Variants in CTBP2 observed in about 807,000 individuals in gnomAD.
The protein encoded by CTBP2 is C-terminal-binding protein 2.
A neutral mutation model predicts 80.3 loss-of-function variants in CTBP2; 30 were observed. That is an observed-to-expected ratio of 0.37 (90% confidence interval 0.28 to 0.51). The LOEUF is 0.51. CTBP2 is among the 20% of genes least tolerant of loss of function. The pLI is 0.93. For synonymous variants in CTBP2, 594 were observed against 587.4 expected (o/e 1.01, Z -0.16); for missense variants, 1,212 against 1,375.3 (o/e 0.88, Z 1.88).
At chr10:125,142,222 C>T (rs540499659) in intron 1 of CTBP2, among the ~76,000 whole-genome samples, 123 of 152,274 alleles carry the variant, frequency 8.1e-4, no homozygotes, top group Non-Finnish European at 1.4e-3. Flanking sequence ...TCCGACCTGT[C>T]CAGACGAGCC....
At chr10:125,082,177 T>TC (rs1672798806) in intron 2 of CTBP2, among the ~76,000 whole-genome samples, 1 of 152,020 alleles carries the variant, frequency 6.6e-6, no homozygotes, top group Admixed American at 6.5e-5. Context: ...GCTGCCCTCC[T>TC]CCCCCCAGGC....
upstream of CTBP2, among the ~76,000 whole-genome samples, chr10:125,029,779 C>T (rs1331453129): frequency 6.6e-6 from 1 of 152,166 alleles, no homozygotes; most frequent in Non-Finnish European, 1.5e-5. Context: ...AGCTTCTTTG[C>T]TATCTGGTTT....
intron 2 of CTBP2, among the ~76,000 whole-genome samples, chr10:125,062,924 C>T (rs768072422): frequency 2.6e-5 from 4 of 152,222 alleles, no homozygotes; most frequent in South Asian, 2.1e-4. Flanking sequence ...CTGCTGTGCA[C>T]CCGTTTTCCT....
intron 2 of CTBP2, among the ~76,000 whole-genome samples, chr10:125,065,463 G>A (rs182496704): frequency 2.2e-4 from 34 of 152,286 alleles, no homozygotes; most frequent in African/African-American, 7.9e-4. Flanking sequence ...AGCAAAGCCC[G>A]CAGGGGCTTT....
At chr10:124,990,079 T>C (rs1952397347) in intron 8 of CTBP2, among the ~76,000 whole-genome samples, 2 of 150,386 alleles carry the variant, frequency 1.3e-5, no homozygotes, top group African/African-American at 4.9e-5. Flanking sequence ...TCTCACTCTG[T>C]CGCCAGTCTG....
At chr10:125,054,862 TA>T (rs1374049154) in intron 2 of CTBP2, among the ~76,000 whole-genome samples, 1 of 152,212 alleles carries the variant, frequency 6.6e-6, no homozygotes, top group Non-Finnish European at 1.5e-5. Context: ...TCCACTTCTG[TA>T]AACTCTTGGG....
At chr10:125,003,758 T>C (rs868023175) in intron 1 of CTBP2, among the ~76,000 whole-genome samples, 2 of 152,030 alleles carry the variant, frequency 1.3e-5, no homozygotes, top group African/African-American at 4.8e-5. Context: ...CTCAGGACCA[T>C]GGGGCCCCGA....
intron 2 of CTBP2, among the ~76,000 whole-genome samples, chr10:125,075,745 A>T (rs1258570065): frequency 6.6e-6 from 1 of 152,270 alleles, no homozygotes; most frequent in Non-Finnish European, 1.5e-5. Flanking sequence ...CTGAGGTTCT[A>T]CTACAAATGC....
chr10:125,036,695 GTGTGTGTGTGTGTGTGTGTGTT>G (rs1271143739), intron 3 of CTBP2, among the ~76,000 whole-genome samples: 9,143 of 137,106 alleles, frequency 0.067, 640 homozygotes, highest in African/African-American at 0.17. Context: ...GTGTGTGTGT[GTGTGTGTGTGTGTGTGTGTGTT>G]TGTGTGTGTT....
Position 125,026,298 on chromosome 10 carries a change from T to A in CTBP2, c.1462A>T (p.Met488Leu). The A allele has an allele frequency of 6.2e-7, 1 of 1,613,856 alleles. No homozygotes were observed. The highest frequency in any genetic ancestry group is 8.5e-7 in the Non-Finnish European group (1 of 1,179,948). Residue 488 changes from methionine to leucine, a missense_variant, in exon 1 of 9, where the codon ATG (methionine) becomes TTG (leucine). Met to Leu is a conservative substitution (Grantham distance 15). Coordinates refer to ENST00000309035, the MANE Select transcript of CTBP2 (RefSeq NM_022802.3). ...TTGCGCTCCCTCTTTAGCAGCTCCA[T>A]GGGCACCGTGTATGCCGTGGAGTAG...
intron 2 of CTBP2, among the ~76,000 whole-genome samples, chr10:125,069,420 C>T (rs1254011549): frequency 1.3e-5 from 2 of 152,068 alleles, no homozygotes; most frequent in African/African-American, 4.8e-5. Context: ...GAGTTCAAGA[C>T]CAGCCTGGCC....
chr10:125,101,284 G>A (rs571687396), intron 2 of CTBP2, among the ~76,000 whole-genome samples: 5 of 152,270 alleles, frequency 3.3e-5, no homozygotes, highest in Admixed American at 2.0e-4. Flanking sequence ...TCATGTCTTC[G>A]TCCTCTCCAT....
rs546375518 is a variant in CTBP2 at position 125,002,857 on chromosome 10, G to A, written c.1978+103C>T. 2.0e-3 allele frequency: 2,827 copies of A among 1,423,288 alleles called. 3 individuals carry two copies. The highest frequency in any genetic ancestry group is 2.4e-3 in the Non-Finnish European group (2,560 of 1,047,650). 88.2% of individuals were successfully genotyped at this position (1,423,288 alleles called of 1,614,324 possible). A position where few individuals can be genotyped will look rare whatever the true frequency, so the allele number is the denominator to read the frequency against. ...CAGCCACCTTGCTACAGCCAGAAGC[G>A]GCTGCTCCGTGGTCCCAGTTCCAGC... On this transcript the variant is annotated intron_variant, in intron 3 of 8. Transcript: ENST00000309035.
chr10:125,045,320 C>G (rs188017785), intron 2 of CTBP2, among the ~76,000 whole-genome samples: 1 of 152,202 alleles, frequency 6.6e-6, no homozygotes, highest in African/African-American at 2.4e-5. Context: ...ATTTTTCTTA[C>G]AGCAGCCCGA....
intron 2 of CTBP2, among the ~76,000 whole-genome samples, chr10:125,065,438 A>G (rs950842899): frequency 6.6e-6 from 1 of 152,218 alleles, no homozygotes; most frequent in African/African-American, 2.4e-5. Context: ...CTTCAGCAAA[A>G]TAAAGGGAAG....
chr10:125,098,696 G>GACAGAGAGAC (rs1850027999), intron 2 of CTBP2, among the ~76,000 whole-genome samples: 2 of 125,278 alleles, frequency 1.6e-5, no homozygotes, highest in East Asian at 2.4e-4. Context: ...GAGAGAGAGA[G>GACAGAGAGAC]AGAGAGAGAG....
At chr10:125,052,109 C>T (rs1259539493) in intron 2 of CTBP2, among the ~76,000 whole-genome samples, 2 of 152,204 alleles carry the variant, frequency 1.3e-5, no homozygotes, top group Admixed American at 6.5e-5. Context: ...ACGGGAGGCT[C>T]GCACCTATCG....
chr10:125,081,071 C>A (rs1847103639), intron 2 of CTBP2, among the ~76,000 whole-genome samples: 1 of 152,128 alleles, frequency 6.6e-6, no homozygotes, highest in Non-Finnish European at 1.5e-5. Context: ...ACATGATGTG[C>A]CCTCCTAATC....
At chr10:125,037,297 A>G (rs928781533) in intron 3 of CTBP2, among the ~76,000 whole-genome samples, 4 of 152,216 alleles carry the variant, frequency 2.6e-5, no homozygotes, top group African/African-American at 9.7e-5. Context: ...AAACGCTGCT[A>G]GCTCTTCAAT....
Sources: gnomAD v4.1 joint callset for allele counts (sites outside exome capture counted in the v4.1 genomes callset) on GRCh38, gnomAD v4.1.1 for gene constraint, MANE v1.5 for transcripts, NCBI Gene and HGNC (gene_info 2026-07-23, HGNC 2026-07-21) for gene names.